Variants in PKHD1 observed in about 807,000 individuals in gnomAD.
PKHD1 encodes the protein fibrocystin.
In PKHD1, 291 loss-of-function variants were observed where a neutral mutation model predicts 412.0. That is an observed-to-expected ratio of 0.71 (90% CI 0.64 to 0.78). PKHD1 has a LOEUF of 0.78. PKHD1 is among the 30% of genes least tolerant of loss of function. The pLI is 0.00. For missense variants in PKHD1, 4,825 were observed against 4,950.7 expected (o/e 0.97, Z 0.76); for synonymous variants, 1,777 against 1,821.5 (o/e 0.98, Z 0.62).
intron 37 of PKHD1, among the ~76,000 whole-genome samples, chr6:51,925,050 G>A (rs1056373530): frequency 3.3e-5 from 5 of 152,144 alleles, no homozygotes; most frequent in South Asian, 2.1e-4. Context: ...GCTAGTTCAC[G>A]GTAGAGATGG....
chr6:52,045,580 AT>A (rs1420892690), intron 24 of PKHD1, among the ~76,000 whole-genome samples: 6 of 152,266 alleles, frequency 3.9e-5, no homozygotes, highest in South Asian at 2.1e-4. Flanking sequence ...TCATTAGATT[AT>A]TTTTTAAGAC....
At chr6:51,982,854 T>TA (rs1253939420) in intron 35 of PKHD1, among the ~76,000 whole-genome samples, 1 of 101,100 alleles carries the variant, frequency 9.9e-6, no homozygotes, top group Non-Finnish European at 2.1e-5. Flanking sequence ...AATAAAAAAA[T>TA]AAAAATAAAA....
At position 51,616,623 on chromosome 6, in the gene PKHD1, G is replaced by A; in HGVS notation, c.*2458C>T. On this transcript the variant is annotated 3_prime_UTR_variant, in exon 67 of 67. Transcript: ENST00000371117. ...ATTCCATGCCACATGCTAGAGCCTG[G>A]CAAGTTACTGAAGATGTTTATAGCT... The A allele has an allele frequency of 7.5e-6, 3 of 397,536 alleles. No individual in the cohort carries two copies. The highest frequency in any genetic ancestry group is 4.4e-5 in the Admixed American group (1 of 22,656). The allele number at this position is 397,536 out of a possible 1,614,324, so 24.6% of individuals were successfully genotyped here. A position where few individuals can be genotyped will look rare whatever the true frequency, so the allele number is the denominator to read the frequency against.
Position 52,022,747 on chromosome 6 carries a change from A to G in PKHD1, c.5380+54T>C, listed in dbSNP as rs961489787. The G allele has an allele frequency of 3.2e-6, 5 of 1,576,038 alleles. No individual in the cohort carries two copies. The East Asian group carries it at 6.7e-5, about 21-fold the overall frequency. On this transcript the variant is annotated intron_variant, in intron 33 of 66. Coordinates refer to ENST00000371117, the MANE Select transcript of PKHD1 (RefSeq NM_138694.4). ...TCACAAAAATAGAATTAACCAAAGAATATCATTTCCATATATATGCTTTAA... is the reference window on the plus strand; with the variant it reads ...TCACAAAAATAGAATTAACCAAAGAGTATCATTTCCATATATATGCTTTAA...
intron 35 of PKHD1, among the ~76,000 whole-genome samples, chr6:51,974,125 A>G (rs1794045537): frequency 6.6e-6 from 1 of 152,112 alleles, no homozygotes; most frequent in South Asian, 2.1e-4. Context: ...TTATTCTACC[A>G]TTTCCCACTC....
chr6:51,616,215 C>G lies in PKHD1; in HGVS notation c.*2866G>C, dbSNP rs1766053117. 1 of 153,688 alleles carries G rather than the reference C, an allele frequency of 6.5e-6. No individual in the cohort carries two copies. The highest frequency in any genetic ancestry group is 1.4e-5 in the Non-Finnish European group (1 of 69,132). 9.5% of individuals were successfully genotyped at this position (153,688 alleles called of 1,614,324 possible). On this transcript the variant is annotated 3_prime_UTR_variant, in exon 67 of 67. Transcript: ENST00000371117. ...GGTGAGAACACTTAAAATGTACTTT[C>G]AAACACTTTTGAACTCTCTAGAATT...
chr6:51,982,944 GC>G (rs1309383981), intron 35 of PKHD1, among the ~76,000 whole-genome samples: 1 of 102,458 alleles, frequency 9.8e-6, no homozygotes, highest in African/African-American at 3.3e-5. Context: ...GGACGCCTTT[GC>G]CCAGCCTCCC....
At chr6:51,623,052 A>G (rs998014008) in intron 66 of PKHD1, among the ~76,000 whole-genome samples, 10 of 152,134 alleles carry the variant, frequency 6.6e-5, no homozygotes, top group Non-Finnish European at 1.2e-4. Flanking sequence ...TATTTCCCTG[A>G]TAGGGCTACC....
Position 52,033,011 on chromosome 6 carries a change from G to T in PKHD1, c.3364+19C>A, listed in dbSNP as rs947299534. 6.3e-7 allele frequency: 1 copy of T among 1,599,552 alleles called. No homozygotes were observed. The highest frequency in any genetic ancestry group is 8.6e-7 in the Non-Finnish European group (1 of 1,167,174). On this transcript the variant is annotated intron_variant, in intron 29 of 66. Transcript: ENST00000371117. ...AATGCTCTAAGAAGAAAAAGATCTT[G>T]CAGTATCACATATTTTACCTGCTAT...
At chr6:51,830,727 G>GAGGA in intron 52 of PKHD1, 134 bp downstream of exon 52, 1 of 828,502 alleles carries the variant, frequency 1.2e-6, no homozygotes, top group Non-Finnish European at 2.0e-6. Context: ...CCCCCAAAAA[G>GAGGA]AGGAAGAATG....
chr6:52,060,488 T>A (rs948873158), intron 14 of PKHD1, among the ~76,000 whole-genome samples: 20 of 152,244 alleles, frequency 1.3e-4, no homozygotes, highest in African/African-American at 4.8e-4. Context: ...TAATTAAAAA[T>A]ATTATGATCC....
intron 40 of PKHD1, among the ~76,000 whole-genome samples, 168 bp from the exon 41 acceptor site, chr6:51,906,508 C>T (rs1363664416): frequency 2.6e-5 from 4 of 151,626 alleles, no homozygotes; most frequent in African/African-American, 9.7e-5. Context: ...GTAACTCAAA[C>T]CAATGGGCCT....
At position 51,615,394 on chromosome 6, in the gene PKHD1, AT is replaced by A. The variant is rs1289775567; in HGVS notation, c.*3686del. Reference sequence around the variant, plus strand: ...TCTTTTTGAAAATTACCTTGTAGAAATGTGACTTTTCTATCAAATATATCTG... The same window carrying A: ...TCTTTTTGAAAATTACCTTGTAGAAAGTGACTTTTCTATCAAATATATCTG... On this transcript the variant is annotated 3_prime_UTR_variant, in exon 67 of 67. Coordinates refer to ENST00000371117, the MANE Select transcript of PKHD1 (RefSeq NM_138694.4). 1.3e-5 allele frequency: 2 copies of A among 152,202 alleles called. No homozygotes were observed. Among genetic ancestry groups the A allele is most frequent in the Non-Finnish European group, 2.9e-5 (2 of 68,016 alleles). The allele number at this position is 152,202 out of a possible 1,614,324, so 9.4% of individuals were successfully genotyped here.
intron 40 of PKHD1, among the ~76,000 whole-genome samples, chr6:51,907,038 G>C (rs1472640278): frequency 2.6e-5 from 4 of 152,060 alleles, no homozygotes; most frequent in African/African-American, 9.7e-5. Flanking sequence ...ATATGTTTCA[G>C]GAATTGTGCA....
chr6:51,960,117 G>T, intron 35 of PKHD1, 91 bp from the exon 36 acceptor site: 1 of 1,256,958 alleles, frequency 8.0e-7, no homozygotes, highest in South Asian at 1.2e-5. Flanking sequence ...TTGGTTTGTT[G>T]GTTCATTCAT....
chr6:51,644,759 A>C (rs981865054), intron 63 of PKHD1, among the ~76,000 whole-genome samples: 9 of 152,198 alleles, frequency 5.9e-5, no homozygotes, highest in African/African-American at 2.2e-4. Flanking sequence ...GGCTCACTGC[A>C]ACCTCCACCT....
chr6:51,753,585 C>G (rs1786474784), intron 56 of PKHD1, among the ~76,000 whole-genome samples: 1 of 152,180 alleles, frequency 6.6e-6, no homozygotes, highest in East Asian at 1.9e-4. Flanking sequence ...AGCAAGAATT[C>G]ATTTCTTCTT....
At chr6:52,062,192 C>T (rs1251354075) in intron 14 of PKHD1, among the ~76,000 whole-genome samples, 2 of 152,234 alleles carry the variant, frequency 1.3e-5, no homozygotes, top group Non-Finnish European at 2.9e-5. Flanking sequence ...GTTAGTTTTA[C>T]CTCTTAACCA....
rs1430251711 is a variant in PKHD1, at chr6:51,981,307, CAA to C, written c.5752-21283_5752-21282del. ...GCCCTTTTAGAGAGGCTCCAAAGCT[CAA>C]GCTCTCCCTCTCCCTCTCCCTCTCC... On this transcript the variant is annotated intron_variant, in intron 35 of 66. Coordinates refer to ENST00000371117, the MANE Select transcript of PKHD1 (RefSeq NM_138694.4). 1.1e-3 allele frequency among the ~76,000 whole-genome samples: 44 copies of C among 40,768 alleles called. 8 individuals are homozygous for C. Among genetic ancestry groups the C allele is most frequent in the Non-Finnish European group, 2.5e-3 (36 of 14,390 alleles). 26.7% of individuals were successfully genotyped at this position (40,768 alleles called of 152,430 possible). A position where few individuals can be genotyped will look rare whatever the true frequency, so the allele number is the denominator to read the frequency against.
Sources: gnomAD v4.1 joint callset for allele counts (sites outside exome capture counted in the v4.1 genomes callset) on GRCh38, gnomAD v4.1.1 for gene constraint, MANE v1.5 for transcripts, NCBI Gene and HGNC (gene_info 2026-07-23, HGNC 2026-07-21) for gene names.